Variants in FN1 observed in about 807,000 individuals in gnomAD.
FN1 encodes the protein fibronectin.
FN1 carries 106 observed loss-of-function variants against 297.3 expected under a neutral mutation model. The ratio of observed to expected loss-of-function variants is 0.36; its 90% confidence interval spans 0.30 to 0.42. The LOEUF (loss-of-function observed/expected upper bound fraction) is 0.42. Among genes scored for constraint, FN1 ranks in the 10% least tolerant of loss-of-function variants. The pLI, the probability that FN1 is intolerant of heterozygous loss-of-function variation, is 1.00. For synonymous variants in FN1, 1,149 were observed against 1,152.6 expected (o/e 1.00, Z 0.06); for missense variants, 2,690 against 3,124.9 (o/e 0.86, Z 3.32).
chr2:215,381,566 T>C, intron 32 of FN1: 1 of 226,376 alleles, frequency 4.4e-6, no homozygotes, highest in Non-Finnish European at 8.8e-6. Context: ...TTCTGCCTCC[T>C]GGGTCCAAGT....
At chr2:215,386,410 T>C (rs557672725) in intron 28 of FN1, among the ~76,000 whole-genome samples, 15 of 151,998 alleles carry the variant, frequency 9.9e-5, no homozygotes, top group African/African-American at 3.1e-4. Flanking sequence ...CTTGTGTTAT[T>C]AGAAATGCAT....
Position 215,407,945 on chromosome 2 carries a change from CCA to C in FN1, c.2518+161_2518+162del, listed in dbSNP as rs200863159. Among the ~76,000 whole-genome samples, 133 of 12,968 alleles carry C rather than the reference CCA, an allele frequency of 0.01. 4 individuals are homozygous for C. In the East Asian group the frequency reaches 0.13, roughly 13 times the overall value. The allele number at this position is 12,968 out of a possible 152,430, so 8.5% of individuals were successfully genotyped here. ...AAATGTGCCATAGAAAATAACTCCC[CCA>C]CCCCCGCCACACACACACACACACA... is the stretch of plus-strand genomic sequence containing the variant. On this transcript the variant is annotated intron_variant, in intron 17 of 45. Transcript: ENST00000354785.
chr2:215,397,495 C>T (rs1394378779), intron 22 of FN1, among the ~76,000 whole-genome samples, 185 bp downstream of exon 22: 1 of 151,976 alleles, frequency 6.6e-6, no homozygotes, highest in African/African-American at 2.4e-5. Context: ...TTTCTGATGC[C>T]ATAAAATATA....
At chr2:215,396,683 G>T (rs1575527611) in intron 23 of FN1, among the ~76,000 whole-genome samples, 2 of 152,226 alleles carry the variant, frequency 1.3e-5, no homozygotes, top group Admixed American at 1.3e-4. Context: ...GTAAAATGAA[G>T]GTATTTCTGC....
At chr2:215,421,734 G>A (rs1043661822) in intron 10 of FN1, among the ~76,000 whole-genome samples, 40 of 152,304 alleles carry the variant, frequency 2.6e-4, no homozygotes, top group African/African-American at 8.9e-4. Context: ...AGAATAGCAA[G>A]GTCTTCATTT....
intron 30 of FN1, 135 bp downstream of exon 30, chr2:215,383,885 C>T: frequency 1.1e-6 from 1 of 939,964 alleles, no homozygotes; most frequent in Non-Finnish European, 1.7e-6. Context: ...CTGTTCGCTG[C>T]AGGTGCTAGC....
chr2:215,428,038 C>T (rs1025615051), intron 6 of FN1, 142 bp downstream of exon 6: 1 of 1,043,600 alleles, frequency 9.6e-7, no homozygotes, highest in African/African-American at 1.6e-5. Flanking sequence ...TTTTAACAAC[C>T]AATAATGTGT....
At chr2:215,408,239 A>G in intron 16 of FN1, 42 bp from the exon 17 acceptor site, 1 of 1,613,474 alleles carries the variant, frequency 6.2e-7, no homozygotes, top group Non-Finnish European at 8.5e-7. Context: ...AGGAAGTGCT[A>G]CTACAGGCCT....
intron 31 of FN1, 112 bp downstream of exon 31, chr2:215,383,216 C>G: frequency 9.4e-7 from 1 of 1,066,870 alleles, no homozygotes; most frequent in Non-Finnish European, 1.5e-6. Context: ...CCATATTGGC[C>G]AGGCTGGTCT....
chr2:215,418,620 A>T (rs992559189), intron 12 of FN1, among the ~76,000 whole-genome samples: 5 of 152,130 alleles, frequency 3.3e-5, no homozygotes. Flanking sequence ...TTTCCCCCCA[A>T]ATGAACTAAT....
chr2:215,397,612 A>G (rs2060461771), intron 22 of FN1, 68 bp downstream of exon 22: 5 of 1,322,886 alleles, frequency 3.8e-6, no homozygotes, highest in Admixed American at 3.4e-5. Flanking sequence ...AGTGATATTG[A>G]CACTAGCTTT....
Position 215,370,315 on chromosome 2 carries a change from C to T in FN1, c.6832G>A (p.Val2278Ile), listed in dbSNP as rs1455792968. ...ATACCAGAGTTGCCCACGGTAACAA[C>T]CTCTTCCCGAACCTTATGCCTCTGC... ...DQQRHKVREE[V>I]VTVGNSVNEG... Residue 2278 changes from valine to isoleucine, a missense_variant, in exon 41 of 46, where the codon GTT (valine) becomes ATT (isoleucine). Around this residue, in one of 3 missense-constraint regions of FN1, gnomAD observed 1,743 missense variants for 1,945.2 expected, o/e 0.90. Transcript: ENST00000354785. The T allele has an allele frequency of 6.2e-7, 1 of 1,613,984 alleles. No individual in the cohort carries two copies. Among genetic ancestry groups the T allele is most frequent in the East Asian group, 2.2e-5 (1 of 44,866 alleles).
At position 215,380,970 on chromosome 2, in the gene FN1, T is replaced by G; in HGVS notation, c.5275A>C (p.Ser1759Arg). Residue 1759 changes from serine (S) to arginine (R), a missense_variant, in exon 33 of 46, where the codon AGC becomes CGC. This residue lies in a region of FN1 where 1,743 missense variants were observed against 1,945.2 expected (regional missense o/e 0.90). Coordinates refer to ENST00000354785, the MANE Select transcript of FN1 (RefSeq NM_212482.4). ...AGCTCATGGATTCCATCCTCAGGGC[T>G]CGAGTAGGTCACCCTGTACCTGGAA... ...QVSRYRVTYSSPEDGIHELFP... is the reference protein window; with the variant it reads ...QVSRYRVTYSRPEDGIHELFP... 1 of 1,614,224 alleles carries G rather than the reference T, an allele frequency of 6.2e-7. No homozygotes were observed. The highest frequency in any genetic ancestry group is 8.5e-7 in the Non-Finnish European group (1 of 1,180,046).
In FN1 at chr2:215,361,219, T is replaced by C. The variant is rs750073361; in HGVS notation, c.*336A>G. ...ACTTTCCTACTTAAAATTTTGGTCA[T>C]ATCATTTCAAAACATTTGCATCTTG... On this transcript the variant is annotated 3_prime_UTR_variant, in exon 46 of 46. Transcript: ENST00000354785. 4.1e-5 allele frequency: 12 copies of C among 294,726 alleles called. No homozygotes were observed. Among genetic ancestry groups the C allele is most frequent in the Non-Finnish European group, 7.2e-5 (11 of 153,240 alleles). The allele number at this position is 294,726 out of a possible 1,614,324, so 18.3% of individuals were successfully genotyped here.
At chr2:215,402,542 A>C (rs1171386933) in intron 20 of FN1, among the ~76,000 whole-genome samples, 1 of 152,224 alleles carries the variant, frequency 6.6e-6, no homozygotes, top group Non-Finnish European at 1.5e-5. Context: ...AACTACAGAA[A>C]TTTAGTAATT....
intron 21 of FN1, 73 bp from the exon 22 acceptor site, chr2:215,397,921 A>T (rs1446593355): frequency 7.6e-7 from 1 of 1,314,666 alleles, no homozygotes; most frequent in Non-Finnish European, 1.1e-6. Flanking sequence ...TGAGGCTATG[A>T]TTATGCTTTA....
At chr2:215,422,689 A>T (rs941093965) in intron 9 of FN1, among the ~76,000 whole-genome samples, 2 of 152,226 alleles carry the variant, frequency 1.3e-5, no homozygotes, top group Non-Finnish European at 2.9e-5. Flanking sequence ...TAAAAGTATA[A>T]GCAATTTCTT....
chr2:215,385,266 A>T (rs2058769097), intron 28 of FN1, among the ~76,000 whole-genome samples: 1 of 150,922 alleles, frequency 6.6e-6, no homozygotes, highest in Admixed American at 6.6e-5. Flanking sequence ...AAAAAAAAAA[A>T]AAAAGTGATA....
At chr2:215,364,458 G>T in intron 44 of FN1, 1 of 279,100 alleles carries the variant, frequency 3.6e-6, no homozygotes, top group Non-Finnish European at 7.0e-6. Flanking sequence ...CCCAGGATGG[G>T]GAGAACCGGC....
Sources: gnomAD v4.1 joint callset for allele counts (sites outside exome capture counted in the v4.1 genomes callset) on GRCh38, gnomAD v4.1.1 for gene constraint, gnomAD v4.1.1 regional missense constraint, MANE v1.5 for transcripts, NCBI Gene and HGNC (gene_info 2026-07-23, HGNC 2026-07-21) for gene names.